The following CLASP1 variants were observed in gnomAD, a reference collection of about 807,000 sequenced individuals.
CLASP1 encodes the protein cytoplasmic linker associated protein 1.
CLASP1 carries 38 observed loss-of-function variants against 192.3 expected under a neutral mutation model. The observed-to-expected ratio is 0.20, with a 90% CI of 0.15 to 0.26. The LOEUF is 0.26. CLASP1 is among the 10% of genes least tolerant of loss of function. The pLI is 1.00. For missense variants in CLASP1, 1,433 were observed against 1,932.5 expected (o/e 0.74, Z 4.85); for synonymous variants, 691 against 712.8 (o/e 0.97, Z 0.49).
chr2:121,382,467 A>C lies in CLASP1; in HGVS notation c.3375-143T>G, dbSNP rs368034386. 1.0e-5 allele frequency: 6 copies of C among 585,214 alleles called. No individual in the cohort carries two copies. The East Asian group carries it at 1.2e-4, about 12-fold the overall frequency. 36.3% of individuals were successfully genotyped at this position (585,214 alleles called of 1,614,324 possible). ...TAAAGTTAATCAGAGCAAAATTAGC[A>C]CTTCATCATACAGAGAAAAGAACAA... On this transcript the variant is annotated intron_variant, in intron 32 of 39. Coordinates refer to ENST00000263710, the Ensembl canonical transcript of CLASP1.
intron 24 of CLASP1, chr2:121,409,059 A>T: frequency 1.9e-6 from 3 of 1,562,540 alleles, no homozygotes; most frequent in Non-Finnish European, 2.6e-6. Flanking sequence ...TGTAGGCAGG[A>T]AAATATTGAA....
intron 8 of CLASP1, among the ~76,000 whole-genome samples, chr2:121,494,849 C>T (rs1221261523): frequency 6.6e-6 from 1 of 151,468 alleles, no homozygotes. Flanking sequence ...GGTGAAACCT[C>T]GTCTCTACTA....
At chr2:121,472,087 A>T (rs2090845957) in intron 8 of CLASP1, among the ~76,000 whole-genome samples, 1 of 152,184 alleles carries the variant, frequency 6.6e-6, no homozygotes, top group Admixed American at 6.5e-5. Context: ...CTGAGTGGGA[A>T]CAGTTCCAGT....
intron 3 of CLASP1, among the ~76,000 whole-genome samples, chr2:121,529,080 A>T (rs1047041640): frequency 1.3e-5 from 2 of 152,210 alleles, no homozygotes; most frequent in Non-Finnish European, 2.9e-5. Flanking sequence ...AGACCTTGAG[A>T]GGAAGAGTCA....
intron 37 of CLASP1, among the ~76,000 whole-genome samples, chr2:121,353,729 C>T (rs757218728): frequency 1.3e-5 from 2 of 152,194 alleles, no homozygotes; most frequent in Non-Finnish European, 2.9e-5. Context: ...GTCCAGTATA[C>T]GCCAGGTGCT....
intron 2 of CLASP1, chr2:121,530,639 G>A: frequency 1.9e-6 from 1 of 532,532 alleles, no homozygotes; most frequent in East Asian, 2.9e-5. Flanking sequence ...CCCCGCCCCG[G>A]CGAGAAAAGC....
chr2:121,525,816 T>C lies in CLASP1; in HGVS notation c.546+29A>G, dbSNP rs776892603. The C allele has an allele frequency of 7.1e-6, 11 of 1,548,506 alleles. No homozygotes were observed. The East Asian group carries it at 2.5e-4, about 35-fold the overall frequency. On this transcript the variant is annotated intron_variant, in intron 6 of 39. Transcript: ENST00000263710. ...ATCTCAACAGTCTGTAAGCAATGAC[T>C]TCTCCCGAGGGTTTTCCTTCTCACT... is the stretch of plus-strand genomic sequence containing the variant.
intron 2 of CLASP1, among the ~76,000 whole-genome samples, chr2:121,531,679 C>G (rs1240847888): frequency 2.0e-5 from 3 of 151,098 alleles, no homozygotes; most frequent in African/African-American, 7.3e-5. Flanking sequence ...ACCATCCTGG[C>G]CAACATGGTG....
At chr2:121,648,211 A>G (rs1285631003) in intron 1 of CLASP1, among the ~76,000 whole-genome samples, 4 of 152,218 alleles carry the variant, frequency 2.6e-5, no homozygotes, top group Non-Finnish European at 5.9e-5. Flanking sequence ...GTAGTAATAA[A>G]AACAATTTCT....
At chr2:121,419,063 G>T (rs987474421) in intron 22 of CLASP1, among the ~76,000 whole-genome samples, 2 of 152,152 alleles carry the variant, frequency 1.3e-5, no homozygotes, top group Admixed American at 6.5e-5. Flanking sequence ...TTTTAGAAAC[G>T]ATCAGTTTTT....
intron 30 of CLASP1, among the ~76,000 whole-genome samples, chr2:121,393,778 T>C (rs17774685): frequency 0.015 from 2,357 of 152,100 alleles, 21 homozygotes; most frequent in Non-Finnish European, 0.024. Context: ...TGTCCTATGA[T>C]ACATCTATTT....
intron 2 of CLASP1, among the ~76,000 whole-genome samples, chr2:121,557,565 C>CA (rs2058686598): frequency 6.6e-6 from 1 of 151,574 alleles, no homozygotes; most frequent in South Asian, 2.1e-4. Flanking sequence ...GCCTAGGCGA[C>CA]AGAGTGAGAC....
At chr2:121,635,662 G>A (rs2070707935) in intron 1 of CLASP1, among the ~76,000 whole-genome samples, 1 of 147,380 alleles carries the variant, frequency 6.8e-6, no homozygotes, top group African/African-American at 2.7e-5. Flanking sequence ...TACAGATTCA[G>A]AGAGAAAGAT....
In CLASP1 at chr2:121,404,441, G is replaced by A; in HGVS notation, c.2670-7C>T. On this transcript the variant is annotated splice_region_variant and splice_polypyrimidine_tract_variant and intron_variant, in intron 25 of 39. Coordinates refer to ENST00000263710, the Ensembl canonical transcript of CLASP1. ...CCTTTTCAGTTCAACTCGACTAGAA[G>A]AAATAAAACAGAAATCAATGAATTT... The A allele has an allele frequency of 1.2e-6, 2 of 1,605,824 alleles. No homozygotes were observed. Among genetic ancestry groups the A allele is most frequent in the East Asian group, 4.5e-5 (2 of 44,714 alleles).
chr2:121,470,558 T>C (rs770236562), intron 8 of CLASP1: 53 of 389,434 alleles, frequency 1.4e-4, no homozygotes, highest in Non-Finnish European at 2.4e-4. Flanking sequence ...AAGTGGAAAA[T>C]GGTACAAGTG....
intron 2 of CLASP1, among the ~76,000 whole-genome samples, chr2:121,531,551 G>C (rs2094881224): frequency 6.8e-6 from 1 of 147,090 alleles, no homozygotes; most frequent in Non-Finnish European, 1.5e-5. Flanking sequence ...AGCAGAGATC[G>C]CGCCACTGCA....
chr2:121,485,062 G>A (rs2092877359), intron 8 of CLASP1, among the ~76,000 whole-genome samples: 1 of 152,176 alleles, frequency 6.6e-6, no homozygotes, highest in African/African-American at 2.4e-5. Context: ...GGCAGAGGGT[G>A]GTGAGAGACA....
chr2:121,478,364 G>A (rs915347699), intron 8 of CLASP1, among the ~76,000 whole-genome samples: 1 of 152,122 alleles, frequency 6.6e-6, no homozygotes, highest in Non-Finnish European at 1.5e-5. Context: ...ACTTTGGGAG[G>A]CCAAGGCGGG....
chr2:121,632,965 G>GGTGTGTGT (rs71398037), intron 1 of CLASP1, among the ~76,000 whole-genome samples: 1 of 137,840 alleles, frequency 7.3e-6, no homozygotes, highest in African/African-American at 2.9e-5. Context: ...AACAGAGGGA[G>GGTGTGTGT]GTGTGTGTGT....
Sources: allele counts gnomAD v4.1 joint callset (sites outside exome capture counted in the v4.1 genomes callset), GRCh38; gene constraint gnomAD v4.1.1; transcripts MANE v1.5; gene names NCBI Gene and HGNC (gene_info 2026-07-23, HGNC 2026-07-21).